Variants in VILL observed in about 807,000 individuals in gnomAD.
VILL encodes the protein villin-like protein.
In VILL, 102 loss-of-function variants were observed where a neutral mutation model predicts 106.3. That is an observed-to-expected ratio of 0.96 (90% CI 0.82 to 1.13). The LOEUF (loss-of-function observed/expected upper bound fraction) is 1.13. VILL is among the 50% of genes most tolerant of loss of function. VILL has a pLI of 0.00. For synonymous variants in VILL, 431 were observed against 440.3 expected (o/e 0.98, Z 0.27); for missense variants, 1,076 against 1,116.6 (o/e 0.96, Z 0.52).
rs80087342 is a variant in VILL at position 38,002,637 on chromosome 3, G to A, written c.1659+62G>A. 6,478 of 1,561,574 alleles carry A rather than the reference G, an allele frequency of 4.1e-3. 181 individuals are homozygous for A. The East Asian group carries it at 0.076, about 18-fold the overall frequency. ...TGTAGTGGTGCCAGGCTGGGGGTGG[G>A]TCCTCTCCACAGGGCATGCAGACTT... On this transcript the variant is annotated intron_variant, in intron 14 of 19. Transcript: ENST00000383759.
In VILL at chr3:37,998,978, TCG is replaced by T; in HGVS notation, c.1010_1011del (p.Ser337CysfsTer12). On this transcript the variant is annotated frameshift_variant, in exon 10 of 20. Coordinates refer to ENST00000383759, the MANE Select transcript of VILL (RefSeq NM_015873.4). LOFTEE classifies it high-confidence loss of function. The surrounding 1 kb of genome is among the most constrained non-coding windows in gnomAD (Gnocchi z 4.1). ...NVEVVNDGAE[S>X]AAFKQLFRTW... ...GGAGGTGGTGAACGACGGCGCCGAG[TCG>T]GCCGCGTTCAAGCAGCTCTTCCGGA... 2 of 1,608,856 alleles carry T rather than the reference TCG, an allele frequency of 1.2e-6. No individual in the cohort carries two copies. The highest frequency in any genetic ancestry group is 1.7e-6 in the Non-Finnish European group (2 of 1,177,846).
chr3:38,002,137 C>A, intron 13 of VILL: 1 of 646,000 alleles, frequency 1.5e-6, no homozygotes, highest in Non-Finnish European at 2.6e-6. Flanking sequence ...TTTCCACCTC[C>A]AAGGCCTGAG....
rs1005393410 is a variant in VILL at position 37,990,811 on chromosome 3, C to G, written c.-105C>G. On this transcript the variant is annotated 5_prime_UTR_variant, in exon 1 of 20. Coordinates refer to ENST00000383759, the MANE Select transcript of VILL (RefSeq NM_015873.4). The surrounding 1 kb of genome is among the most constrained non-coding windows in gnomAD (Gnocchi z 5.1). ...ACTGCCCACAGGCAGGGCGAAGGCG[C>G]GGGAGCAGTTTCCAGCAGGTAGGCC... The G allele has an allele frequency of 6.6e-6, 1 of 152,360 alleles. No individual in the cohort carries two copies. Among genetic ancestry groups the G allele is most frequent in the Non-Finnish European group, 1.5e-5 (1 of 68,258 alleles). The allele number at this position is 152,360 out of a possible 1,614,324, so 9.4% of individuals were successfully genotyped here.
intron 14 of VILL, 164 bp from the exon 15 acceptor site, chr3:38,003,004 C>A: frequency 1.1e-6 from 1 of 887,814 alleles, no homozygotes; most frequent in Non-Finnish European, 1.7e-6. Context: ...GGGACACAGG[C>A]CTGTAGGGTG....
In VILL at chr3:38,005,776, C is replaced by T. The variant is rs775987661; in HGVS notation, c.1951-16C>T. 6.3e-7 allele frequency: 1 copy of T among 1,598,722 alleles called. No homozygotes were observed. Among genetic ancestry groups the T allele is most frequent in the Non-Finnish European group, 8.5e-7 (1 of 1,172,154 alleles). Reference sequence around the variant, plus strand: ...CCCCTCCACCTGCCCAAGGCCAGGTCCCCTCTGTGGCTCAGATCTTCCTGT... The same window carrying T: ...CCCCTCCACCTGCCCAAGGCCAGGTTCCCTCTGTGGCTCAGATCTTCCTGT... On this transcript the variant is annotated splice_polypyrimidine_tract_variant and intron_variant, in intron 16 of 19. Coordinates refer to ENST00000383759, the MANE Select transcript of VILL (RefSeq NM_015873.4).
At chr3:37,996,425 T>C (rs530409391) in intron 5 of VILL, among the ~76,000 whole-genome samples, 4 of 152,186 alleles carry the variant, frequency 2.6e-5, no homozygotes, top group Non-Finnish European at 5.9e-5. Flanking sequence ...GTCAGGAAAT[T>C]ACAGGAAAAT....
Position 37,993,956 on chromosome 3 carries a change from G to C in VILL, c.119G>C (p.Cys40Ser). ...GAYGNFFEEH[C>S]YVILHVPQSP... Reference sequence around the variant, plus strand: ...TACGGGAACTTTTTTGAGGAACACTGCTATGTCATCCTCCACGTGAGTCGC... The same window carrying C: ...TACGGGAACTTTTTTGAGGAACACTCCTATGTCATCCTCCACGTGAGTCGC... Residue 40 changes from cysteine to serine, a missense_variant, in exon 3 of 20, where the codon TGC (cysteine) becomes TCC (serine). Physicochemically the swap from Cys to Ser is moderately radical, Grantham distance 112 (BLOSUM62 -1). Transcript: ENST00000383759. The C allele has an allele frequency of 6.2e-7, 1 of 1,614,208 alleles. No individual in the cohort carries two copies. The highest frequency in any genetic ancestry group is 8.5e-7 in the Non-Finnish European group (1 of 1,180,040).
chr3:37,998,870 G>A lies in VILL; in HGVS notation c.943-42G>A, dbSNP rs772644067. ...TCCCCAGGAGCGGCAGTGGGGCAGT[G>A]GACTCTCAGGGTCGCAGGACTGACG... is the stretch of plus-strand genomic sequence containing the variant. On this transcript the variant is annotated intron_variant, in intron 9 of 19. Transcript: ENST00000383759. This position sits in a 1 kb window ranked among gnomAD's most constrained non-coding sequence, Gnocchi z 4.1. The A allele has an allele frequency of 1.3e-6, 2 of 1,569,460 alleles. No individual in the cohort carries two copies. The highest frequency in any genetic ancestry group is 1.7e-6 in the Non-Finnish European group (2 of 1,149,970).
Position 38,002,452 on chromosome 3 carries a change from A to G in VILL, c.1536A>G (p.Gln512=), listed in dbSNP as rs761985950. 6.2e-7 allele frequency: 1 copy of G among 1,614,070 alleles called. No individual in the cohort carries two copies. Among genetic ancestry groups the G allele is most frequent in the South Asian group, 1.1e-5 (1 of 91,060 alleles). Residue 512 remains glutamine (Q), a synonymous_variant, in exon 14 of 20, where the codon CAA becomes CAG. Coordinates refer to ENST00000383759, the MANE Select transcript of VILL (RefSeq NM_015873.4). ...GQSASTTRLF[Q]VQGTDSHNTR... ...CAGCATCCACCACAAGGCTTTTCCA[A>G]GTGCAAGGCACTGACAGCCACAACA...
chr3:37,998,422 G>C lies in VILL; in HGVS notation c.942+58G>C, dbSNP rs1575336152. 2.3e-5 allele frequency: 35 copies of C among 1,527,394 alleles called. No homozygotes were observed. In the East Asian group the frequency reaches 6.1e-4, roughly 27 times the overall value. The allele number at this position is 1,527,394 out of a possible 1,614,324, so 94.6% of individuals were successfully genotyped here. ...AGCACTGCCCTGGGGTCTGAGTGGG[G>C]AGGCAGCTCCGCCCCAGGGTCTAAG... On this transcript the variant is annotated intron_variant, in intron 9 of 19. Transcript: ENST00000383759. This position sits in a 1 kb window ranked among gnomAD's most constrained non-coding sequence, Gnocchi z 4.1.
At position 37,994,394 on chromosome 3, in the gene VILL, A is replaced by G. The variant is rs1469011145; in HGVS notation, c.269A>G (p.Gln90Arg). 6.2e-7 allele frequency: 1 copy of G among 1,612,614 alleles called. No individual in the cohort carries two copies. Among genetic ancestry groups the G allele is most frequent in the Admixed American group, 1.7e-5 (1 of 59,940 alleles). ...QQRLQDELGG[Q>R]TVLHREAQGH... ...CGCCTACAGGACGAGCTGGGGGGCC[A>G]GACCGTGCTGCACCGCGAGGCGCAG... Residue 90 changes from glutamine (Q) to arginine (R), a missense_variant, in exon 4 of 20, where the codon CAG becomes CGG. Coordinates refer to ENST00000383759, the MANE Select transcript of VILL (RefSeq NM_015873.4).
chr3:37,997,671 T>C lies in VILL; in HGVS notation c.750T>C (p.Asn250=). 6.3e-7 allele frequency: 1 copy of C among 1,584,404 alleles called. No individual in the cohort carries two copies. The highest frequency in any genetic ancestry group is 8.6e-7 in the Non-Finnish European group (1 of 1,164,024). ...ATATCAACCAGCTGCAGAAGGCCAA[T>C]GTTCGCCTGTACCAGTGAGTACCCC... ...SKDINQLQKA[N]VRLYHVYEKG... is the part of the protein sequence containing the mutation. Residue 250 remains asparagine, a synonymous_variant, in exon 7 of 20, where the codon AAT becomes AAC. Transcript: ENST00000383759. The surrounding 1 kb of genome is among the most constrained non-coding windows in gnomAD (Gnocchi z 4.7).
At position 38,006,972 on chromosome 3, in the gene VILL, A is replaced by C. The variant is rs2125540675; in HGVS notation, c.2488A>C (p.Ile830Leu). The C allele has an allele frequency of 1.2e-6, 2 of 1,614,114 alleles. No individual in the cohort carries two copies. The highest frequency in any genetic ancestry group is 1.7e-6 in the Non-Finnish European group (2 of 1,179,998). ...TCTCTCAGACTCTGACTTCCAAGAT[A>C]TCTTTGGGAAATCCAAGGAGGAATT... Reference protein sequence around the residue: ...FYLSDSDFQDIFGKSKEEFYS... With the variant: ...FYLSDSDFQDLFGKSKEEFYS... Residue 830 changes from isoleucine to leucine, a missense_variant, in exon 20 of 20, where the codon ATC (isoleucine) becomes CTC (leucine). Coordinates refer to ENST00000383759, the MANE Select transcript of VILL (RefSeq NM_015873.4).
intron 12 of VILL, 26 bp from the exon 13 acceptor site, chr3:38,001,676 C>T (rs771846611): frequency 1.2e-6 from 2 of 1,613,902 alleles, no homozygotes; most frequent in Non-Finnish European, 1.7e-6. Flanking sequence ...CTGGGCCAGG[C>T]CCTCACTCAC....
intron 1 of VILL, among the ~76,000 whole-genome samples, chr3:37,991,380 G>A (rs1044444424): frequency 6.6e-6 from 1 of 151,412 alleles, no homozygotes; most frequent in Non-Finnish European, 1.5e-5. Flanking sequence ...GAAAGACCTG[G>A]GGAGGAGGGT....
rs35461143 is a variant in VILL, at chr3:38,006,192, C to T, written c.2145C>T (p.Ser715=). The change falls in exon 18 of 20, where the codon TCC becomes TCT. Residue 715 remains serine (S), a synonymous_variant. Coordinates refer to ENST00000383759, the MANE Select transcript of VILL (RefSeq NM_015873.4). ...GATTCTTGCTCCAGAGCCACCCGTCCCACAAGGAAGTGGTGGATGGCAGCC... is the reference window on the plus strand; with the variant it reads ...GATTCTTGCTCCAGAGCCACCCGTCTCACAAGGAAGTGGTGGATGGCAGCC... ...WDPYKWTSHP[S]HKEVVDGSPA... The T allele has an allele frequency of 8.9e-4, 1,437 of 1,614,220 alleles. 12 individuals carry two copies. The African/African-American group carries it at 0.017, about 19-fold the overall frequency.
At chr3:37,993,821 G>A (rs1366313581) in intron 2 of VILL, 77 bp from the exon 3 acceptor site, 6 of 1,606,744 alleles carry the variant, frequency 3.7e-6, no homozygotes, top group Non-Finnish European at 5.1e-6. Flanking sequence ...AACTCAGAGC[G>A]TCCTCTTCCA....
chr3:38,002,043 A>T (rs907836601), intron 13 of VILL, 183 bp downstream of exon 13: 14 of 952,614 alleles, frequency 1.5e-5, no homozygotes, highest in Non-Finnish European at 2.2e-5. Context: ...TTCCCTCCCC[A>T]GTCCCAGAGC....
intron 1 of VILL, among the ~76,000 whole-genome samples, chr3:37,991,528 G>T (rs1317110620): frequency 6.6e-6 from 1 of 151,676 alleles, no homozygotes; most frequent in Admixed American, 6.6e-5. Flanking sequence ...AGAACCAGGG[G>T]GAGGCAGGGG....
Sources: gnomAD v4.1 joint callset for allele counts (sites outside exome capture counted in the v4.1 genomes callset) on GRCh38, gnomAD v4.1.1 for gene constraint, Gnocchi (gnomAD v3.1) non-coding constraint, MANE v1.5 for transcripts, NCBI Gene and HGNC (gene_info 2026-07-23, HGNC 2026-07-21) for gene names.